Variants in NARS2 observed in about 807,000 individuals in gnomAD.
The protein encoded by NARS2 is asparaginyl-tRNA synthetase 2, mitochondrial.
A neutral mutation model predicts 62.9 loss-of-function variants in NARS2; 60 were observed. The ratio of observed to expected loss-of-function variants is 0.95; its 90% CI spans 0.77 to 1.18. The LOEUF (loss-of-function observed/expected upper bound fraction) is 1.18. NARS2 is among the 50% of genes most tolerant of loss of function. The pLI, the probability that NARS2 is intolerant of heterozygous loss-of-function variation, is 0.00. For synonymous variants in NARS2, 196 were observed against 200.0 expected (o/e 0.98, Z 0.17); for missense variants, 619 against 576.4 (o/e 1.07, Z -0.76).
At chr11:78,480,369 C>T (rs1244307588) in intron 7 of NARS2, among the ~76,000 whole-genome samples, 1 of 152,100 alleles carries the variant, frequency 6.6e-6, no homozygotes, top group African/African-American at 2.4e-5. Flanking sequence ...ATTGTCCTGC[C>T]TCAGCCTCCT....
chr11:78,504,663 C>A (rs956763731), intron 6 of NARS2, among the ~76,000 whole-genome samples: 1 of 152,120 alleles, frequency 6.6e-6, no homozygotes, highest in Non-Finnish European at 1.5e-5. Flanking sequence ...AAAACACATA[C>A]AAACACACAT....
intron 6 of NARS2, among the ~76,000 whole-genome samples, chr11:78,510,516 T>G (rs899729417): frequency 6.6e-6 from 1 of 152,152 alleles, no homozygotes; most frequent in Non-Finnish European, 1.5e-5. Flanking sequence ...TTTACAATAC[T>G]ATTGGAAACC....
At chr11:78,554,718 C>T (rs1270069240) in intron 5 of NARS2, among the ~76,000 whole-genome samples, 1 of 152,306 alleles carries the variant, frequency 6.6e-6, no homozygotes, top group African/African-American at 2.4e-5. Context: ...TGTCTGCAAA[C>T]AGACATAGTT....
chr11:78,460,784 C>T (rs1031238306), intron 11 of NARS2, among the ~76,000 whole-genome samples: 2 of 152,158 alleles, frequency 1.3e-5, no homozygotes, highest in African/African-American at 4.8e-5. Context: ...GTCAATGAGG[C>T]AGTCAATGAG....
intron 6 of NARS2, among the ~76,000 whole-genome samples, chr11:78,527,250 TTTAC>T (rs1211713152): frequency 6.6e-6 from 1 of 152,202 alleles, no homozygotes; most frequent in African/African-American, 2.4e-5. Context: ...AGTTTTCTAT[TTTAC>T]TTGTTTCCTC....
At chr11:78,481,861 C>T (rs944784752) in intron 7 of NARS2, among the ~76,000 whole-genome samples, 1 of 152,144 alleles carries the variant, frequency 6.6e-6, no homozygotes, top group Non-Finnish European at 1.5e-5. Context: ...GGGGACAGCA[C>T]ACTTTTTTCT....
At chr11:78,454,792 G>C (rs12274311) in intron 11 of NARS2, among the ~76,000 whole-genome samples, 4 of 151,822 alleles carry the variant, frequency 2.6e-5, no homozygotes, top group Non-Finnish European at 2.9e-5. Flanking sequence ...CTAATTTTTC[G>C]TATTTTTAGT....
At chr11:78,460,229 C>G (rs1858341481) in intron 11 of NARS2, among the ~76,000 whole-genome samples, 4 of 151,420 alleles carry the variant, frequency 2.6e-5, no homozygotes, top group Non-Finnish European at 5.9e-5. Context: ...CAAAGGGAGG[C>G]CACTGAATGG....
chr11:78,493,777 A>G (rs1265394058), intron 6 of NARS2, among the ~76,000 whole-genome samples: 1 of 152,206 alleles, frequency 6.6e-6, no homozygotes, highest in African/African-American at 2.4e-5. Context: ...AAATATAGAA[A>G]CATAACCACT....
chr11:78,550,211 T>C (rs914200105), intron 5 of NARS2, among the ~76,000 whole-genome samples: 1 of 152,200 alleles, frequency 6.6e-6, no homozygotes, highest in Non-Finnish European at 1.5e-5. Context: ...ATCAGCATGA[T>C]AACAAAGTTC....
chr11:78,574,575 C>T lies in NARS2; in HGVS notation c.-87G>A, dbSNP rs753064350. 119 of 1,426,248 alleles carry T rather than the reference C, an allele frequency of 8.3e-5. No individual in the cohort carries two copies. The highest frequency in any genetic ancestry group is 1.1e-4 in the Non-Finnish European group (114 of 1,076,526). The allele number at this position is 1,426,248 out of a possible 1,614,324, so 88.3% of individuals were successfully genotyped here. ...CAGCGGCCCTCCTTTCTCAGCTGCT[C>T]CCCTTCCGCGGCCGCAGCTCTGCTC... On this transcript the variant is annotated 5_prime_UTR_variant, in exon 1 of 14. Transcript: ENST00000281038.
chr11:78,499,636 C>T (rs756943397), intron 6 of NARS2, among the ~76,000 whole-genome samples: 46 of 152,218 alleles, frequency 3.0e-4, no homozygotes, highest in Non-Finnish European at 6.3e-4. Context: ...AGGACTAGAG[C>T]GGGTGAACTG....
intron 4 of NARS2, among the ~76,000 whole-genome samples, chr11:78,564,372 C>T (rs921521814): frequency 6.6e-6 from 1 of 151,970 alleles, no homozygotes; most frequent in Non-Finnish European, 1.5e-5. Context: ...ATTATTTTTA[C>T]TAGAGACCAA....
At chr11:78,547,009 G>A (rs534083337) in intron 5 of NARS2, among the ~76,000 whole-genome samples, 9 of 152,242 alleles carry the variant, frequency 5.9e-5, no homozygotes, top group East Asian at 1.9e-4. Flanking sequence ...ACGATTTCAC[G>A]TGTCAGCTTT....
chr11:78,562,605 T>C (rs1315168998), intron 4 of NARS2, among the ~76,000 whole-genome samples: 2 of 152,214 alleles, frequency 1.3e-5, no homozygotes, highest in Non-Finnish European at 2.9e-5. Context: ...TAATTCATTT[T>C]AGGAACACTT....
intron 5 of NARS2, among the ~76,000 whole-genome samples, chr11:78,553,081 T>C (rs1381486798): frequency 6.6e-6 from 1 of 152,198 alleles, no homozygotes; most frequent in Non-Finnish European, 1.5e-5. Flanking sequence ...TCCAACAGCA[T>C]ATAAGGGTTT....
intron 5 of NARS2, among the ~76,000 whole-genome samples, chr11:78,538,766 C>T (rs556998275): frequency 4.3e-4 from 65 of 151,638 alleles, no homozygotes; most frequent in Admixed American, 3.6e-3. Context: ...GAGGCCGAGG[C>T]GGGCGGATCA....
At chr11:78,561,649 G>A (rs910619007) in intron 4 of NARS2, among the ~76,000 whole-genome samples, 1 of 152,044 alleles carries the variant, frequency 6.6e-6, no homozygotes, top group Non-Finnish European at 1.5e-5. Flanking sequence ...TTTCTTTCAC[G>A]TGAAACTGAA....
chr11:78,540,205 A>C (rs1855558326), intron 5 of NARS2, among the ~76,000 whole-genome samples: 1 of 152,226 alleles, frequency 6.6e-6, no homozygotes. Flanking sequence ...AAATTTTTTT[A>C]ATGTGTGTAT....
Sources: allele counts gnomAD v4.1 joint callset (sites outside exome capture counted in the v4.1 genomes callset), GRCh38; gene constraint gnomAD v4.1.1; transcripts MANE v1.5; gene names NCBI Gene and HGNC (gene_info 2026-07-23, HGNC 2026-07-21).